The following SLIT2 variants were observed in gnomAD, a reference collection of about 807,000 sequenced individuals.
SLIT2 encodes slit guidance ligand 2, also known as slit homolog 2 protein.
A neutral mutation model predicts 185.7 loss-of-function variants in SLIT2; 41 were observed. The observed-to-expected ratio is 0.22, with a 90% CI of 0.17 to 0.29. The LOEUF (loss-of-function observed/expected upper bound fraction) is 0.29, where lower values mean the gene tolerates loss of function less well. Among genes scored for constraint, SLIT2 ranks in the 10% least tolerant of loss-of-function variants. SLIT2 has a pLI of 1.00. For missense variants in SLIT2, 1,571 were observed against 1,909.0 expected (o/e 0.82, Z 3.30); for synonymous variants, 693 against 680.2 (o/e 1.02, Z -0.29).
chr4:20,603,561 T>C (rs1319043255), intron 33 of SLIT2, among the ~76,000 whole-genome samples: 1 of 152,228 alleles, frequency 6.6e-6, no homozygotes, highest in Non-Finnish European at 1.5e-5. Context: ...GAAAAATATA[T>C]GCTTCTTTTT....
chr4:20,495,886 A>G (rs953141511), intron 9 of SLIT2, among the ~76,000 whole-genome samples: 1 of 152,184 alleles, frequency 6.6e-6, no homozygotes, highest in African/African-American at 2.4e-5. Context: ...ATTTTTTATA[A>G]GAACAAAGAA....
chr4:20,366,365 A>G (rs1723117438), intron 4 of SLIT2, among the ~76,000 whole-genome samples: 1 of 152,180 alleles, frequency 6.6e-6, no homozygotes, highest in Admixed American at 6.5e-5. Flanking sequence ...CAAAATGCAT[A>G]TATCAAATGT....
rs771837549 is a variant in SLIT2, at chr4:20,617,443, G to A, written c.4141G>A (p.Val1381Ile). 5 of 1,613,592 alleles carry A rather than the reference G, an allele frequency of 3.1e-6. No individual in the cohort carries two copies. The African/African-American group carries it at 4.0e-5, about 13-fold the overall frequency. The change falls in exon 36 of 37, where the codon GTA becomes ATA. Residue 1381 changes from valine (V) to isoleucine (I), a missense_variant. This residue lies in a region of SLIT2 where 223 missense variants were observed against 245.2 expected (regional missense o/e 0.91). Coordinates refer to ENST00000504154, the MANE Select transcript of SLIT2 (RefSeq NM_004787.4). ...CTGTGTTCCTCCTCCCTGTAGATGC[G>A]TACATGGCACCTGCTTGCCCATCAA... Reference protein sequence around the residue: ...TNDPCLGNKCVHGTCLPINAF... With the variant: ...TNDPCLGNKCIHGTCLPINAF...
intron 19 of SLIT2, among the ~76,000 whole-genome samples, chr4:20,540,827 A>G (rs577536180): frequency 1.3e-5 from 2 of 152,346 alleles, no homozygotes; most frequent in East Asian, 1.9e-4. Flanking sequence ...TAAAGATGGC[A>G]TGTTTATAAA....
intron 20 of SLIT2, 98 bp downstream of exon 20, chr4:20,541,717 A>G: frequency 9.4e-7 from 1 of 1,062,450 alleles, no homozygotes; most frequent in Non-Finnish European, 1.4e-6. Context: ...CTCAGCAAAT[A>G]ATGATCGTGT....
intron 11 of SLIT2, among the ~76,000 whole-genome samples, chr4:20,518,211 A>T (rs1354725081): frequency 7.2e-6 from 1 of 138,350 alleles, no homozygotes; most frequent in Non-Finnish European, 1.5e-5. Context: ...ACATATATTT[A>T]TATATATATA....
intron 4 of SLIT2, among the ~76,000 whole-genome samples, chr4:20,398,696 A>G (rs181654487): frequency 2.2e-4 from 33 of 151,810 alleles, no homozygotes; most frequent in Admixed American, 1.8e-3. Flanking sequence ...CCATGTTTAT[A>G]TTGATTCTAG....
At chr4:20,460,820 A>G (rs1713623101) in intron 4 of SLIT2, among the ~76,000 whole-genome samples, 1 of 152,216 alleles carries the variant, frequency 6.6e-6, no homozygotes, top group Non-Finnish European at 1.5e-5. Context: ...TGTGGAACCT[A>G]AAAATGTCAA....
intron 4 of SLIT2, among the ~76,000 whole-genome samples, chr4:20,413,427 G>A (rs968657731): frequency 3.9e-5 from 6 of 152,016 alleles, no homozygotes; most frequent in African/African-American, 1.2e-4. Flanking sequence ...TTGCTGTTGC[G>A]TAAAGTATTC....
chr4:20,472,312 ATAGATATATATATC>A (rs1241379709), intron 5 of SLIT2, among the ~76,000 whole-genome samples: 3 of 25,234 alleles, frequency 1.2e-4, no homozygotes, highest in Non-Finnish European at 2.0e-4. Flanking sequence ...AGATCTATAT[ATAGATATATATATC>A]TATATATAGA....
chr4:20,589,040 T>G (rs1727293239), intron 29 of SLIT2, among the ~76,000 whole-genome samples: 1 of 152,152 alleles, frequency 6.6e-6, no homozygotes, highest in Non-Finnish European at 1.5e-5. Flanking sequence ...CTATGAAGAT[T>G]TGAGAATATT....
intron 18 of SLIT2, among the ~76,000 whole-genome samples, chr4:20,537,379 T>A (rs1252089266): frequency 1.5e-5 from 2 of 136,786 alleles, no homozygotes; most frequent in East Asian, 4.2e-4. Flanking sequence ...TAGCTCTGCT[T>A]GACCAAAATA....
chr4:20,431,608 C>T (rs1428494763), intron 4 of SLIT2, among the ~76,000 whole-genome samples: 1 of 152,164 alleles, frequency 6.6e-6, no homozygotes, highest in Non-Finnish European at 1.5e-5. Flanking sequence ...CAGTAATAGA[C>T]AGCAGGAGGC....
intron 26 of SLIT2, among the ~76,000 whole-genome samples, chr4:20,564,588 A>G (rs930050729): frequency 1.3e-5 from 2 of 151,958 alleles, no homozygotes; most frequent in Non-Finnish European, 1.5e-5. Flanking sequence ...TTTAAAAGAT[A>G]TGAAAAACAA....
intron 11 of SLIT2, 49 bp downstream of exon 11, chr4:20,511,186 G>T (rs1264426928): frequency 9.1e-7 from 1 of 1,097,786 alleles, no homozygotes; most frequent in African/African-American, 1.6e-5. Flanking sequence ...ACAACAAAGA[G>T]TGGCTACCTT....
chr4:20,302,899 C>G (rs1207669400), intron 4 of SLIT2, among the ~76,000 whole-genome samples: 2 of 152,080 alleles, frequency 1.3e-5, no homozygotes, highest in Non-Finnish European at 2.9e-5. Flanking sequence ...TATAAATTTA[C>G]CTTCTGTCTT....
intron 4 of SLIT2, among the ~76,000 whole-genome samples, chr4:20,388,922 A>T (rs192729497): frequency 1.1e-3 from 159 of 145,698 alleles, no homozygotes; most frequent in Non-Finnish European, 1.5e-3. Context: ...TAATATATAT[A>T]ATATATAATA....
In SLIT2 at chr4:20,252,054, A is replaced by G. The variant is rs1722086129; in HGVS notation, c.-1762A>G. ...CAGCTGCGAGGCATGGGAGCGCCGA[A>G]GCGCCCAGGCGCAGGCCGAAGCTGC... On this transcript the variant is annotated 5_prime_UTR_variant, in exon 1 of 37. Coordinates refer to ENST00000504154, the MANE Select transcript of SLIT2 (RefSeq NM_004787.4). 1.3e-5 allele frequency among the ~76,000 whole-genome samples: 2 copies of G among 152,090 alleles called. No homozygotes were observed. Among genetic ancestry groups the G allele is most frequent in the Non-Finnish European group, 1.5e-5 (1 of 68,000 alleles).
intron 4 of SLIT2, among the ~76,000 whole-genome samples, chr4:20,359,206 G>A (rs755496949): frequency 2.0e-5 from 3 of 152,076 alleles, no homozygotes; most frequent in Non-Finnish European, 4.4e-5. Context: ...CTAAAGAGGC[G>A]ACTTTTGAAT....
Sources: allele counts gnomAD v4.1 joint callset (sites outside exome capture counted in the v4.1 genomes callset), GRCh38; gene constraint gnomAD v4.1.1; regional missense constraint gnomAD v4.1.1; transcripts MANE v1.5; gene names NCBI Gene and HGNC (gene_info 2026-07-23, HGNC 2026-07-21).